SND1: variants seen among roughly 807,000 people sequenced by gnomAD.
SND1 encodes staphylococcal nuclease and tudor domain containing 1, also known as staphylococcal nuclease domain-containing protein 1.
A neutral mutation model predicts 121.7 loss-of-function variants in SND1; 38 were observed. The ratio of observed to expected loss-of-function variants is 0.31; its 90% CI spans 0.24 to 0.41. SND1 has a LOEUF of 0.41. Ranked by LOEUF, SND1 falls within the 10% of genes least tolerant of loss-of-function variation. The pLI is 1.00. For missense variants in SND1, 868 were observed against 1,184.6 expected, an observed-to-expected ratio of 0.73 and a Z score of 3.92; for synonymous variants, 401 against 447.4, an observed-to-expected ratio of 0.90 and a Z score of 1.31.
At chr7:127,791,716 T>C (rs535107441) in intron 10 of SND1, among the ~76,000 whole-genome samples, 1 of 152,310 alleles carries the variant, frequency 6.6e-6, no homozygotes, top group South Asian at 2.1e-4. Flanking sequence ...TTCAGAAACA[T>C]TGCATGATAA....
At chr7:127,929,432 AGCAT>A (rs1320024663) in intron 15 of SND1, 103 bp downstream of exon 15, 4 of 1,143,564 alleles carry the variant, frequency 3.5e-6, no homozygotes, top group Non-Finnish European at 5.1e-6. Context: ...AGAGCCCACC[AGCAT>A]GCTCTTCCTC....
intron 21 of SND1, among the ~76,000 whole-genome samples, chr7:128,088,761 G>A (rs1184248331): frequency 1.3e-5 from 2 of 150,562 alleles, no homozygotes; most frequent in East Asian, 3.9e-4. Flanking sequence ...CCTAGTCCCT[G>A]TCTCTTTAAA....
chr7:127,711,006 T>A (rs1447067993), intron 9 of SND1, among the ~76,000 whole-genome samples: 1 of 152,252 alleles, frequency 6.6e-6, no homozygotes, highest in African/African-American at 2.4e-5. Flanking sequence ...TACATTTTTT[T>A]ACATACTTAT....
intron 15 of SND1, among the ~76,000 whole-genome samples, chr7:127,942,787 T>C (rs1289268089): frequency 6.6e-6 from 1 of 152,246 alleles, no homozygotes; most frequent in Non-Finnish European, 1.5e-5. Context: ...CTAAAGGTTT[T>C]CTCTGATATA....
At chr7:127,850,427 T>C (rs1425567416) in intron 12 of SND1, among the ~76,000 whole-genome samples, 1 of 152,202 alleles carries the variant, frequency 6.6e-6, no homozygotes, top group Non-Finnish European at 1.5e-5. Context: ...CATCCTGAAG[T>C]TCCTTTTCAG....
intron 16 of SND1, among the ~76,000 whole-genome samples, chr7:128,007,418 C>G (rs950468021): frequency 3.3e-5 from 5 of 152,208 alleles, no homozygotes; most frequent in African/African-American, 9.7e-5. Context: ...TGGCTCGGCT[C>G]CTAGTATTTG....
chr7:127,938,315 T>G (rs900998180), intron 15 of SND1, among the ~76,000 whole-genome samples: 4 of 152,228 alleles, frequency 2.6e-5, no homozygotes, highest in African/African-American at 9.6e-5. Context: ...TTAAGAAAAG[T>G]AGTCTTCAAT....
At chr7:128,030,663 C>G in intron 16 of SND1, 2 of 1,527,948 alleles carry the variant, frequency 1.3e-6, no homozygotes, top group South Asian at 2.6e-5. Flanking sequence ...TCATAATTCA[C>G]CATCGCCTGG....
rs1340793723 is a variant in SND1 at position 127,858,449 on chromosome 7, T to C, written c.1343+14025T>C. 7.2e-6 allele frequency: 5 copies of C among 698,562 alleles called. No individual in the cohort carries two copies. The Admixed American group carries it at 1.2e-4, about 16-fold the overall frequency. 43.3% of individuals were successfully genotyped at this position (698,562 alleles called of 1,614,324 possible). A position where few individuals can be genotyped will look rare whatever the true frequency, so the allele number is the denominator to read the frequency against. ...TGGGGTCTGGCCCAAGCTGTCCTCC[T>C]CTTCCAAGTCTGAGGCCTGGCGTGG... On this transcript the variant is annotated intron_variant, in intron 12 of 23. Transcript: ENST00000354725.
chr7:127,653,181 C>G (rs1297163667), intron 1 of SND1, among the ~76,000 whole-genome samples: 1 of 152,298 alleles, frequency 6.6e-6, no homozygotes, highest in East Asian at 1.9e-4. Flanking sequence ...ACTATAGATT[C>G]TGCCTGATTT....
chr7:127,974,670 A>G (rs1029266084), intron 15 of SND1, among the ~76,000 whole-genome samples: 3 of 152,198 alleles, frequency 2.0e-5, no homozygotes, highest in African/African-American at 7.2e-5. Flanking sequence ...GCTGTCTGCT[A>G]AGGGTGGGTG....
chr7:127,843,636 C>T (rs1209197131), intron 11 of SND1, among the ~76,000 whole-genome samples: 1 of 152,156 alleles, frequency 6.6e-6, no homozygotes, highest in East Asian at 1.9e-4. Context: ...TATCCATTCA[C>T]CTACTGAAGG....
Position 128,084,704 on chromosome 7 carries a change from G to A in SND1, c.2111-20G>A. 6.3e-7 allele frequency: 1 copy of A among 1,599,914 alleles called. No homozygotes were observed. Among genetic ancestry groups the A allele is most frequent in the Non-Finnish European group, 8.5e-7 (1 of 1,170,624 alleles). ...AGGAACCCAGCACCCAGGTCTCACT[G>A]TGCTCTTCCTCCCTGGCAGGCACCC... On this transcript the variant is annotated intron_variant, in intron 18 of 23. Coordinates refer to ENST00000354725, the MANE Select transcript of SND1 (RefSeq NM_014390.4).
intron 5 of SND1, 21 bp downstream of exon 5, chr7:127,701,344 C>G: frequency 6.2e-7 from 1 of 1,608,438 alleles, no homozygotes; most frequent in Non-Finnish European, 8.5e-7. Context: ...TGGGAACAGA[C>G]AGATACGACT....
intron 16 of SND1, among the ~76,000 whole-genome samples, chr7:128,034,353 A>G (rs1335431632): frequency 6.6e-6 from 1 of 152,228 alleles, no homozygotes. Context: ...GTTTAGTTCC[A>G]TCTGGGCACT....
chr7:127,900,766 T>G (rs1047201393), intron 13 of SND1, among the ~76,000 whole-genome samples: 1 of 152,216 alleles, frequency 6.6e-6, no homozygotes, highest in African/African-American at 2.4e-5. Flanking sequence ...TGTGTGGATA[T>G]ATACTTTCTT....
At chr7:127,846,164 A>G (rs1799058179) in intron 12 of SND1, among the ~76,000 whole-genome samples, 1 of 152,216 alleles carries the variant, frequency 6.6e-6, no homozygotes, top group Non-Finnish European at 1.5e-5. Context: ...ACAACCTACA[A>G]TATCTATACT....
At chr7:127,785,794 A>G (rs1184482751) in intron 10 of SND1, among the ~76,000 whole-genome samples, 2 of 152,218 alleles carry the variant, frequency 1.3e-5, no homozygotes, top group Non-Finnish European at 2.9e-5. Context: ...GACAATATGT[A>G]TTGGATACTT....
intron 15 of SND1, among the ~76,000 whole-genome samples, chr7:127,980,892 T>G (rs1362428135): frequency 6.6e-6 from 1 of 151,702 alleles, no homozygotes; most frequent in Non-Finnish European, 1.5e-5. Flanking sequence ...TAGATTCAAA[T>G]TTTTCTCTTT....
Sources: gnomAD v4.1 joint callset for allele counts (sites outside exome capture counted in the v4.1 genomes callset) on GRCh38, gnomAD v4.1.1 for gene constraint, MANE v1.5 for transcripts, NCBI Gene and HGNC (gene_info 2026-07-23, HGNC 2026-07-21) for gene names.